RCAN2: variants seen among roughly 807,000 people sequenced by gnomAD.
RCAN2 encodes the protein calcipressin-2.
A neutral mutation model predicts 23.6 loss-of-function variants in RCAN2; 9 were observed. The observed-to-expected ratio is 0.38, with a 90% CI of 0.23 to 0.67. RCAN2 has a LOEUF of 0.67. Ranked by LOEUF, RCAN2 falls within the 30% of genes least tolerant of loss-of-function variation. RCAN2 has a pLI of 0.51. For synonymous variants in RCAN2, 109 were observed against 115.7 expected, an observed-to-expected ratio of 0.94 and a Z score of 0.37; for missense variants, 273 against 302.3, an observed-to-expected ratio of 0.90 and a Z score of 0.72.
chr6:46,320,841 T>C (rs1417506724), intron 2 of RCAN2, among the ~76,000 whole-genome samples: 9 of 152,168 alleles, frequency 5.9e-5, no homozygotes, highest in Admixed American at 5.9e-4. Context: ...GCTATTGGGC[T>C]TAAAACGTAG....
intron 2 of RCAN2, among the ~76,000 whole-genome samples, chr6:46,366,238 G>A (rs2150386506): frequency 6.6e-6 from 1 of 152,104 alleles, no homozygotes. Flanking sequence ...TTCCCAACTC[G>A]AAATAAATCC....
chr6:46,262,588 T>TTAAATAAA (rs10526400), intron 2 of RCAN2, among the ~76,000 whole-genome samples: 18,531 of 146,436 alleles, frequency 0.13, 1,879 homozygotes, highest in African/African-American at 0.27. Flanking sequence ...AGCCTCTGTC[T>TTAAATAAA]TAAATAAATA....
chr6:46,468,647 C>T (rs1768461729), intron 1 of RCAN2, among the ~76,000 whole-genome samples: 1 of 152,216 alleles, frequency 6.6e-6, no homozygotes, highest in Non-Finnish European at 1.5e-5. Flanking sequence ...AGCATACTTG[C>T]TTCTTCCTAT....
chr6:46,489,997 T>C (rs1393704032), intron 1 of RCAN2, among the ~76,000 whole-genome samples: 1 of 152,212 alleles, frequency 6.6e-6, no homozygotes, highest in Admixed American at 6.5e-5. Context: ...TTCCAGCTTT[T>C]GGGTATTTCC....
chr6:46,426,575 T>C (rs150456843), intron 2 of RCAN2, among the ~76,000 whole-genome samples: 6 of 152,316 alleles, frequency 3.9e-5, no homozygotes, highest in African/African-American at 1.4e-4. Context: ...CAGCTGGCTA[T>C]GCAAATACAT....
Position 46,306,199 on chromosome 6 carries a change from C to G in RCAN2, c.226-57303G>C, listed in dbSNP as rs73452268. Among the ~76,000 whole-genome samples, 593 of 152,228 alleles carry G rather than the reference C, an allele frequency of 3.9e-3. 4 individuals are homozygous for G. Among genetic ancestry groups the G allele is most frequent in the African/African-American group, 0.014 (576 of 41,550 alleles). On this transcript the variant is annotated intron_variant, in intron 2 of 4. Transcript: ENST00000371374. ...GTATGGCTCCAAGACTGGCTTGTCT[C>G]CATGTCCAAAGAGCCAAACGATGAG...
chr6:46,462,189 T>C (rs1041659961), intron 1 of RCAN2, among the ~76,000 whole-genome samples: 3 of 152,192 alleles, frequency 2.0e-5, no homozygotes, highest in Non-Finnish European at 4.4e-5. Context: ...GCAGCTTGAA[T>C]ATTTGGTATG....
At chr6:46,393,360 T>C (rs987535978) in intron 2 of RCAN2, among the ~76,000 whole-genome samples, 24 of 152,168 alleles carry the variant, frequency 1.6e-4, no homozygotes, top group African/African-American at 5.8e-4. Context: ...TATTGATCCA[T>C]GGTGTTGCAA....
intron 2 of RCAN2, among the ~76,000 whole-genome samples, chr6:46,437,361 C>G (rs954077054): frequency 2.0e-5 from 3 of 152,194 alleles, no homozygotes; most frequent in Admixed American, 6.5e-5. Context: ...AAGAGCATCA[C>G]TCCCACCCCA....
At position 46,248,820 on chromosome 6, in the gene RCAN2, C is replaced by T. The variant is rs1300129772; in HGVS notation, c.302G>A (p.Arg101His). The T allele has an allele frequency of 1.1e-5, 18 of 1,612,880 alleles. No homozygotes were observed. Among genetic ancestry groups the T allele is most frequent in the Admixed American group, 8.3e-5 (5 of 59,904 alleles). The change falls in exon 3 of 5, where the codon CGT becomes CAT. Residue 101 changes from arginine (R) to histidine (H), a missense_variant. Physicochemically the swap from Arg to His is conservative, Grantham distance 29. Transcript: ENST00000371374. ...FQLFKSFRRV[R>H]INFSNPKSAA... ...AGATTTAGGATTGCTGAAGTTTATACGGACACGTCTGAAACTCTTAAATAG... is the reference window on the plus strand; with the variant it reads ...AGATTTAGGATTGCTGAAGTTTATATGGACACGTCTGAAACTCTTAAATAG...
chr6:46,334,998 T>C (rs887282426), intron 2 of RCAN2, among the ~76,000 whole-genome samples: 1 of 152,172 alleles, frequency 6.6e-6, no homozygotes, highest in Non-Finnish European at 1.5e-5. Flanking sequence ...AAAAGGGTGT[T>C]TGCTCAGCAT....
rs898552165 is a variant in RCAN2 at position 46,394,480 on chromosome 6, G to C, written c.225+62272C>G. On this transcript the variant is annotated intron_variant, in intron 2 of 4. Coordinates refer to ENST00000371374, the MANE Select transcript of RCAN2 (RefSeq NM_001251974.2). ...GAATGCTGTAATTACTGAACAAAGT[G>C]GAATGGATAAAGAATTGGTCCAAAA... 4.4e-4 allele frequency among the ~76,000 whole-genome samples: 65 copies of C among 146,110 alleles called. 1 individual carries two copies. Among genetic ancestry groups the C allele is most frequent in the Admixed American group, 4.2e-3 (63 of 14,924 alleles).
At chr6:46,357,935 C>T (rs542517239) in intron 2 of RCAN2, among the ~76,000 whole-genome samples, 6 of 152,280 alleles carry the variant, frequency 3.9e-5, no homozygotes, top group East Asian at 1.9e-4. Flanking sequence ...AGCTTCCAGA[C>T]GAGGTATTAT....
chr6:46,375,446 TC>T (rs1217358427), intron 2 of RCAN2, among the ~76,000 whole-genome samples: 1 of 152,160 alleles, frequency 6.6e-6, no homozygotes, highest in Non-Finnish European at 1.5e-5. Flanking sequence ...ATCACATCTT[TC>T]CCCTGTTCAG....
At chr6:46,450,044 T>G (rs1256277012) in intron 2 of RCAN2, among the ~76,000 whole-genome samples, 1 of 151,752 alleles carries the variant, frequency 6.6e-6, no homozygotes, top group Non-Finnish European at 1.5e-5. Context: ...GAGAAAACAT[T>G]TGTAAATCTG....
Position 46,246,814 on chromosome 6 carries a change from G to T in RCAN2, c.505C>A (p.Pro169Thr). The T allele has an allele frequency of 1.2e-6, 2 of 1,613,512 alleles. No individual in the cohort carries two copies. The highest frequency in any genetic ancestry group is 1.7e-6 in the Non-Finnish European group (2 of 1,179,746). Residue 169 changes from proline (P) to threonine (T), a missense_variant, in exon 4 of 5, where the codon CCC (proline) becomes ACC (threonine). Physicochemically the swap from Pro to Thr is conservative, Grantham distance 38 (BLOSUM62 -1). Transcript: ENST00000371374. Reference protein sequence around the residue: ...PPSSPPVGWQPINDATPVLNY... With the variant: ...PPSSPPVGWQTINDATPVLNY... The stretch of plus-strand genomic sequence containing the variant: ...AGGACTGGCGTGGCATCGTTGATGG[G>T]CTGCCAGCCAACAGGTGGGGAGGAA...
chr6:46,328,389 G>A (rs1324671494), intron 2 of RCAN2, among the ~76,000 whole-genome samples: 1 of 152,184 alleles, frequency 6.6e-6, no homozygotes, highest in East Asian at 1.9e-4. Context: ...CTTAAGTTGG[G>A]CAAATTGTGT....
chr6:46,364,946 C>T (rs985333345), intron 2 of RCAN2, among the ~76,000 whole-genome samples: 1 of 152,118 alleles, frequency 6.6e-6, no homozygotes, highest in Non-Finnish European at 1.5e-5. Flanking sequence ...CTGGAATGCT[C>T]TTTCTCCAAG....
At chr6:46,260,903 T>C (rs1246659166) in intron 2 of RCAN2, among the ~76,000 whole-genome samples, 1 of 152,236 alleles carries the variant, frequency 6.6e-6, no homozygotes, top group Non-Finnish European at 1.5e-5. Context: ...CTCTGTTACA[T>C]GCCAGAAAAT....
Sources: allele counts gnomAD v4.1 joint callset (sites outside exome capture counted in the v4.1 genomes callset), GRCh38; gene constraint gnomAD v4.1.1; transcripts MANE v1.5; gene names NCBI Gene and HGNC (gene_info 2026-07-23, HGNC 2026-07-21).